MOXD1: variants seen among roughly 807,000 people sequenced by gnomAD.
MOXD1 encodes monooxygenase DBH like 1, also known as DBH-like monooxygenase protein 1.
Under a neutral mutation model 66.6 loss-of-function variants are expected in MOXD1, and 62 were observed. The ratio of observed to expected loss-of-function variants is 0.93; its 90% CI spans 0.76 to 1.15. MOXD1 has a LOEUF of 1.15. Ranked by LOEUF, MOXD1 falls within the 50% of genes most tolerant of loss-of-function variation. The pLI is 0.00. For synonymous variants in MOXD1, 303 were observed against 281.9 expected (o/e 1.07, Z -0.75); for missense variants, 847 against 754.6 (o/e 1.12, Z -1.44).
At chr6:132,384,445 CTTATAG>C (rs1298958400) in intron 1 of MOXD1, among the ~76,000 whole-genome samples, 1 of 152,170 alleles carries the variant, frequency 6.6e-6, no homozygotes, top group Non-Finnish European at 1.5e-5. Flanking sequence ...GACAATGGAA[CTTATAG>C]TTTAGTTGGG....
intron 1 of MOXD1, among the ~76,000 whole-genome samples, chr6:132,387,632 T>C (rs1776678242): frequency 6.7e-6 from 1 of 149,772 alleles, no homozygotes; most frequent in South Asian, 2.2e-4. Flanking sequence ...TGCACGCCTG[T>C]AATCCTAGCT....
intron 1 of MOXD1, chr6:132,391,268 C>T (rs1309276146): frequency 7.0e-6 from 1 of 142,908 alleles, no homozygotes; most frequent in African/African-American, 2.5e-5. Flanking sequence ...CAATGTTTGG[C>T]TAAATTAGAT....
At position 132,303,831 on chromosome 6, in the gene MOXD1, GTGTGTATATA is replaced by G. The variant is rs1562276364; in HGVS notation, c.1509-5886_1509-5877del. 2.1e-3 allele frequency among the ~76,000 whole-genome samples: 137 copies of G among 66,702 alleles called. 2 individuals carry two copies. Among genetic ancestry groups the G allele is most frequent in the African/African-American group, 7.1e-3 (125 of 17,624 alleles). 43.8% of individuals were successfully genotyped at this position (66,702 alleles called of 152,430 possible). ...CATGTGTGTGTGTGTGTGTGTGTGT[GTGTGTATATA>G]TATATATATATATATATATATATAT... On this transcript the variant is annotated intron_variant, in intron 10 of 11. Coordinates refer to ENST00000367963, the MANE Select transcript of MOXD1 (RefSeq NM_015529.4).
intron 4 of MOXD1, among the ~76,000 whole-genome samples, chr6:132,336,242 T>C (rs1287598688): frequency 1.3e-5 from 2 of 152,218 alleles, no homozygotes; most frequent in Non-Finnish European, 2.9e-5. Flanking sequence ...TTCCTGCCTG[T>C]TCTTGTTCCT....
chr6:132,330,389 C>T (rs972270804), intron 4 of MOXD1, among the ~76,000 whole-genome samples: 6 of 152,300 alleles, frequency 3.9e-5, no homozygotes, highest in African/African-American at 9.6e-5. Flanking sequence ...ATCTAGGCTG[C>T]GTGCTCTTTA....
chr6:132,314,802 T>C (rs187968548), intron 10 of MOXD1, among the ~76,000 whole-genome samples: 49 of 152,294 alleles, frequency 3.2e-4, no homozygotes, highest in African/African-American at 1.1e-3. Flanking sequence ...TTAAAATATC[T>C]TTTTTTGTTT....
chr6:132,323,826 A>T lies in MOXD1; in HGVS notation c.1113+105T>A. ...GCGATAAGGGTTTCACAGTGTGTCA[A>T]CAAGAAAGGAATCGATAATAAACAT... On this transcript the variant is annotated intron_variant, in intron 7 of 11. Transcript: ENST00000367963. The T allele has an allele frequency of 2.4e-6, 3 of 1,270,450 alleles. No individual in the cohort carries two copies. In the South Asian group the frequency reaches 5.3e-5, roughly 23 times the overall value. The allele number at this position is 1,270,450 out of a possible 1,614,324, so 78.7% of individuals were successfully genotyped here.
rs2114610955 is a variant in MOXD1, at chr6:132,342,832, C to T, written c.664-14238G>A. 2.6e-5 allele frequency among the ~76,000 whole-genome samples: 4 copies of T among 152,282 alleles called. No homozygotes were observed. The South Asian group carries it at 8.3e-4, about 32-fold the overall frequency. On this transcript the variant is annotated intron_variant, in intron 4 of 11. Coordinates refer to ENST00000367963, the MANE Select transcript of MOXD1 (RefSeq NM_015529.4). ...TTTTGGTGGTTTCGTTTGTTTCTTT[C>T]AGTCAATACATGCGCTTCAATTCAG...
At chr6:132,332,924 C>T (rs1296565726) in intron 4 of MOXD1, among the ~76,000 whole-genome samples, 1 of 152,178 alleles carries the variant, frequency 6.6e-6, no homozygotes, top group Non-Finnish European at 1.5e-5. Context: ...TGGCTGAATG[C>T]TGCATTAACC....
intron 4 of MOXD1, among the ~76,000 whole-genome samples, chr6:132,352,151 G>C (rs1402208787): frequency 6.6e-6 from 1 of 152,006 alleles, no homozygotes; most frequent in Non-Finnish European, 1.5e-5. Context: ...TCTGATCCGG[G>C]TTATTTCCTT....
intron 1 of MOXD1, among the ~76,000 whole-genome samples, chr6:132,395,435 CAAT>C (rs770019429): frequency 2.0e-5 from 3 of 151,982 alleles, no homozygotes; most frequent in Admixed American, 2.0e-4. Context: ...CACAAAACCA[CAAT>C]AATAAAAAAT....
In MOXD1 at chr6:132,332,226, T is replaced by G. The variant is rs187433670; in HGVS notation, c.664-3632A>C. Reference sequence around the variant, plus strand: ...TGACCTTCAGATTACAGATTGAGGGTGCAGCCTAAAACATGAGGATTTCCT... The same window carrying G: ...TGACCTTCAGATTACAGATTGAGGGGGCAGCCTAAAACATGAGGATTTCCT... On this transcript the variant is annotated intron_variant, in intron 4 of 11. Transcript: ENST00000367963. Among the ~76,000 whole-genome samples, 606 of 152,170 alleles carry G rather than the reference T, an allele frequency of 4.0e-3. 5 individuals carry two copies. Among genetic ancestry groups the G allele is most frequent in the Middle Eastern group, 0.024 (7 of 294 alleles).
At chr6:132,317,536 T>C (rs1774985578) in intron 9 of MOXD1, among the ~76,000 whole-genome samples, 1 of 152,132 alleles carries the variant, frequency 6.6e-6, no homozygotes, top group Admixed American at 6.5e-5. Flanking sequence ...TATTTTCTAA[T>C]ACCAAGGGGA....
chr6:132,339,067 C>T (rs1212451112), intron 4 of MOXD1, among the ~76,000 whole-genome samples: 1 of 152,000 alleles, frequency 6.6e-6, no homozygotes, highest in Admixed American at 6.6e-5. Flanking sequence ...AAAATATTTC[C>T]ATAAATATTA....
At chr6:132,374,420 A>G (rs1007086450) in intron 2 of MOXD1, among the ~76,000 whole-genome samples, 8 of 152,120 alleles carry the variant, frequency 5.3e-5, no homozygotes. Context: ...TCACACAAAA[A>G]TGGATTTTAT....
chr6:132,348,966 ATTTTTATTTTATTTTAT>A lies in MOXD1; in HGVS notation c.664-20389_664-20373del, dbSNP rs536849493. Among the ~76,000 whole-genome samples the A allele has an allele frequency of 4.5e-3, 678 of 151,854 alleles. 9 individuals are homozygous for A. Among genetic ancestry groups the A allele is most frequent in the African/African-American group, 0.015 (641 of 41,386 alleles). ...CCTTGTGTGTATTCTCTCCTTATTTATTTTTATTTTATTTTATTTTTTATTTTTCCAAGGGTTACGGG... is the reference window on the plus strand; with the variant it reads ...CCTTGTGTGTATTCTCTCCTTATTTATTTTTATTTTTCCAAGGGTTACGGG... On this transcript the variant is annotated intron_variant, in intron 4 of 11. Coordinates refer to ENST00000367963, the MANE Select transcript of MOXD1 (RefSeq NM_015529.4).
chr6:132,366,268 A>T (rs1776138332), intron 4 of MOXD1, among the ~76,000 whole-genome samples: 1 of 152,196 alleles, frequency 6.6e-6, no homozygotes, highest in African/African-American at 2.4e-5. Flanking sequence ...AGAGTTAAAT[A>T]AGAAAAGATA....
intron 6 of MOXD1, chr6:132,325,094 A>C (rs1775160625): frequency 6.6e-6 from 1 of 152,098 alleles, no homozygotes; most frequent in South Asian, 2.1e-4. Flanking sequence ...CAACCTCCCT[A>C]ACAGCCTTGG....
chr6:132,342,602 C>T (rs1407475947), intron 4 of MOXD1, among the ~76,000 whole-genome samples: 3 of 152,076 alleles, frequency 2.0e-5, no homozygotes, highest in Non-Finnish European at 4.4e-5. Flanking sequence ...TTAGATCTTG[C>T]TATTCTTTGA....
Sources: gnomAD v4.1 joint callset for allele counts (sites outside exome capture counted in the v4.1 genomes callset) on GRCh38, gnomAD v4.1.1 for gene constraint, MANE v1.5 for transcripts, NCBI Gene and HGNC (gene_info 2026-07-23, HGNC 2026-07-21) for gene names.